ESR2: variants seen among roughly 807,000 people sequenced by gnomAD.
ESR2 encodes estrogen receptor 2, also known as estrogen receptor beta.
In ESR2, 36 loss-of-function variants were observed where a neutral mutation model predicts 49.6. That is an observed-to-expected ratio of 0.73 (90% CI 0.56 to 0.96). The LOEUF is 0.96. Among genes scored for constraint, ESR2 ranks in the 40% least tolerant of loss-of-function variants. The pLI, the probability that ESR2 is intolerant of heterozygous loss-of-function variation, is 0.00. For synonymous variants in ESR2, 320 were observed against 266.1 expected (o/e 1.20, Z -1.97); for missense variants, 714 against 693.0 (o/e 1.03, Z -0.34).
chr14:64,278,161 T>A (rs960463678), intron 3 of ESR2, among the ~76,000 whole-genome samples: 4 of 152,232 alleles, frequency 2.6e-5, no homozygotes, highest in African/African-American at 9.6e-5. Flanking sequence ...GACTTGGCCT[T>A]ATAATCTACT....
chr14:64,263,136 A>G (rs1219761357), intron 4 of ESR2, among the ~76,000 whole-genome samples: 1 of 152,216 alleles, frequency 6.6e-6, no homozygotes, highest in Non-Finnish European at 1.5e-5. Context: ...GAAATTATAC[A>G]TATTTTTAAA....
At chr14:64,268,293 G>A (rs1480483234) in intron 4 of ESR2, among the ~76,000 whole-genome samples, 1 of 152,118 alleles carries the variant, frequency 6.6e-6, no homozygotes, top group African/African-American at 2.4e-5. Flanking sequence ...TTATGTTTCT[G>A]ACTCCTACAT....
intron 6 of ESR2, among the ~76,000 whole-genome samples, chr14:64,253,602 G>GTGTGTGTA (rs2076036124): frequency 1.6e-5 from 2 of 122,102 alleles, no homozygotes; most frequent in Non-Finnish European, 1.8e-5. Flanking sequence ...GTGTGTGTGT[G>GTGTGTGTA]TGTATGTATG....
chr14:64,283,724 GGTGATAGA>G (rs535603024), intron 1 of ESR2, among the ~76,000 whole-genome samples: 118 of 132,412 alleles, frequency 8.9e-4, no homozygotes, highest in African/African-American at 3.3e-3. Context: ...CTCCAGCCTG[GGTGATAGA>G]GTGAGACCCT....
At position 64,280,278 on chromosome 14, in the gene ESR2, T is replaced by C. The variant is rs193034072; in HGVS notation, c.363-125A>G. Reference sequence around the variant, plus strand: ...TTTTTCCTCCAGGGTTCCTGGTAAATATATTCCCGGAAATCTGATACAGCA... The same window carrying C: ...TTTTTCCTCCAGGGTTCCTGGTAAACATATTCCCGGAAATCTGATACAGCA... On this transcript the variant is annotated intron_variant, in intron 2 of 8. Transcript: ENST00000341099. 2.4e-4 allele frequency: 168 copies of C among 711,818 alleles called. 1 individual carries two copies. In the African/African-American group the frequency reaches 2.6e-3, roughly 11 times the overall value. 44.1% of individuals were successfully genotyped at this position (711,818 alleles called of 1,614,324 possible).
chr14:64,238,760 AAAAAAAAC>A (rs1431350687), intron 7 of ESR2, among the ~76,000 whole-genome samples: 2 of 152,018 alleles, frequency 1.3e-5, no homozygotes, highest in African/African-American at 4.8e-5. Context: ...TAGTTTAAAA[AAAAAAAAC>A]AAAAAAAACC....
At chr14:64,239,042 C>T (rs1374566263) in intron 7 of ESR2, among the ~76,000 whole-genome samples, 1 of 152,128 alleles carries the variant, frequency 6.6e-6, no homozygotes, top group East Asian at 1.9e-4. Context: ...AATAGAAGTC[C>T]CAGAATACTG....
intron 3 of ESR2, among the ~76,000 whole-genome samples, chr14:64,275,394 C>T (rs2076537698): frequency 6.6e-6 from 1 of 152,082 alleles, no homozygotes; most frequent in African/African-American, 2.4e-5. Flanking sequence ...CTAAGTATAG[C>T]CACTCCTGCT....
rs2098728704 is a variant in ESR2, at chr14:64,232,990, G to A, written c.*147C>T. ...CACACCGACTCCTGAGAGTTGGGAA[G>A]GTGGAGGGAAGGATGGTACATGACC... On this transcript the variant is annotated 3_prime_UTR_variant, in exon 9 of 9. Transcript: ENST00000341099. 7.2e-7 allele frequency: 1 copy of A among 1,396,432 alleles called. No individual in the cohort carries two copies. Among genetic ancestry groups the A allele is most frequent in the South Asian group, 1.8e-5 (1 of 56,608 alleles). 86.5% of individuals were successfully genotyped at this position (1,396,432 alleles called of 1,614,324 possible). A position where few individuals can be genotyped will look rare whatever the true frequency, so the allele number is the denominator to read the frequency against.
chr14:64,227,915 T>G (rs2098723250), downstream of ESR2: 1 of 1,597,678 alleles, frequency 6.3e-7, no homozygotes, highest in African/African-American at 1.3e-5. Context: ...ATGAATGAAT[T>G]GCTTTTCTCC....
Position 64,233,303 on chromosome 14 carries a change from A to T in ESR2, c.1427T>A (p.Leu476Gln), listed in dbSNP as rs374430941. 1 of 1,613,674 alleles carries T rather than the reference A, an allele frequency of 6.2e-7. No individual in the cohort carries two copies. Among genetic ancestry groups the T allele is most frequent in the Non-Finnish European group, 8.5e-7 (1 of 1,179,708 alleles). ...RHASNKGMEH[L>Q]LNMKCKNVVP... is the part of the protein sequence containing the mutation. The stretch of plus-strand genomic sequence containing the variant: ...CACATTTTTGCACTTCATGTTGAGC[A>T]GATGTTCCATGCCCTTGTTACTATG... Residue 476 changes from leucine to glutamine, a missense_variant, in exon 9 of 9, where the codon CTG becomes CAG. By Grantham distance (113) the Leu-to-Gln change is moderately radical (BLOSUM62 -2). Transcript: ENST00000341099.
intron 1 of ESR2, among the ~76,000 whole-genome samples, chr14:64,325,049 T>C (rs535033048): frequency 1.2e-3 from 182 of 152,208 alleles, no homozygotes; most frequent in Non-Finnish European, 2.2e-3. Flanking sequence ...TATTCTGGTT[T>C]TAGGGATACA....
Position 64,260,641 on chromosome 14 carries a change from G to T in ESR2, c.760C>A (p.Arg254=), listed in dbSNP as rs1169541447. ...GCGTCCAGCAGCAGCTCCCGCACTC[G>T]GGGCGCGTGGCCGCCACTTCTCTTG... ...KAKRSGGHAP[R]VRELLLDALS... Residue 254 remains arginine, a synonymous_variant, in exon 5 of 9, where the codon CGA becomes AGA. Transcript: ENST00000341099. 1.1e-5 allele frequency: 18 copies of T among 1,609,056 alleles called. No homozygotes were observed. Among genetic ancestry groups the T allele is most frequent in the Middle Eastern group, 1.7e-4 (1 of 6,030 alleles).
chr14:64,238,113 A>G (rs2075644605), intron 7 of ESR2, among the ~76,000 whole-genome samples: 1 of 152,270 alleles, frequency 6.6e-6, no homozygotes, highest in African/African-American at 2.4e-5. Flanking sequence ...CAAAGTTACA[A>G]TAACATAAAT....
In ESR2 at chr14:64,294,058, C is replaced by A. The variant is rs2076915862; in HGVS notation, c.-116G>T. On this transcript the variant is annotated 5_prime_UTR_variant, in exon 1 of 9. Coordinates refer to ENST00000341099, the MANE Select transcript of ESR2 (RefSeq NM_001437.3). The stretch of plus-strand genomic sequence containing the variant: ...CTTGCAGATAAACACACCGGCCTTG[C>A]CTTCTCTAAAATGCGGACACGTGCT... 1 of 152,266 alleles carries A rather than the reference C, an allele frequency of 6.6e-6. No homozygotes were observed. Among genetic ancestry groups the A allele is most frequent in the South Asian group, 2.1e-4 (1 of 4,836 alleles). 9.4% of individuals were successfully genotyped at this position (152,266 alleles called of 1,614,324 possible).
chr14:64,277,771 A>G (rs949959676), intron 3 of ESR2, among the ~76,000 whole-genome samples: 2 of 152,188 alleles, frequency 1.3e-5, no homozygotes, highest in African/African-American at 4.8e-5. Flanking sequence ...GCATGCAAAG[A>G]AAGGATCATT....
intron 3 of ESR2, among the ~76,000 whole-genome samples, chr14:64,271,830 A>G (rs1475864551): frequency 6.6e-6 from 1 of 152,194 alleles, no homozygotes; most frequent in Non-Finnish European, 1.5e-5. Context: ...TTGCTTCCAA[A>G]TCTTGGCTAT....
intron 7 of ESR2, among the ~76,000 whole-genome samples, chr14:64,241,922 A>T (rs1161921339): frequency 6.6e-6 from 1 of 152,234 alleles, no homozygotes. Context: ...TAGAACTTAC[A>T]GTAAAATGTT....
Position 64,229,348 on chromosome 14 carries a change from C to T in ESR2, c.*3789G>A, listed in dbSNP as rs1235741101. On this transcript the variant is annotated 3_prime_UTR_variant, in exon 9 of 9. Coordinates refer to ENST00000341099, the MANE Select transcript of ESR2 (RefSeq NM_001437.3). The stretch of plus-strand genomic sequence containing the variant: ...GCCCGCTAGGCAAGCAGAAGACTTG[C>T]GTGCCAGTCCAAGCTTTGCCATGAG... Among the ~76,000 whole-genome samples, 1 of 152,042 alleles carries T rather than the reference C, an allele frequency of 6.6e-6. No individual in the cohort carries two copies. Among genetic ancestry groups the T allele is most frequent in the Non-Finnish European group, 1.5e-5 (1 of 68,016 alleles).
Sources: gnomAD v4.1 joint callset for allele counts (sites outside exome capture counted in the v4.1 genomes callset) on GRCh38, gnomAD v4.1.1 for gene constraint, MANE v1.5 for transcripts, NCBI Gene and HGNC (gene_info 2026-07-23, HGNC 2026-07-21) for gene names.